The following POGZ variants were observed in gnomAD, a reference collection of about 807,000 sequenced individuals.
POGZ encodes pogo transposable element with ZNF domain.
In POGZ, 17 loss-of-function variants were observed where a neutral mutation model predicts 134.6. The ratio of observed to expected loss-of-function variants is 0.13; its 90% CI spans 0.09 to 0.19. The LOEUF (loss-of-function observed/expected upper bound fraction) is 0.19. POGZ is among the 10% of genes least tolerant of loss of function. The pLI is 1.00. For missense variants in POGZ, 1,306 were observed against 1,769.7 expected (o/e 0.74, Z 4.70); for synonymous variants, 693 against 657.1 (o/e 1.05, Z -0.84).
rs554221096 is a variant in POGZ, at chr1:151,420,069, T to C, written c.1678+3328A>G. Among the ~76,000 whole-genome samples, 45 of 151,842 alleles carry C rather than the reference T, an allele frequency of 3.0e-4. 1 individual carries two copies. In the East Asian group the frequency reaches 8.6e-3, roughly 29 times the overall value. ...TGGGTGTGGTGGCATATGCCTACAG[T>C]CCCAGCTACTCAGGAGGCTGAGGTG... On this transcript the variant is annotated intron_variant, in intron 10 of 18. Transcript: ENST00000271715.
Position 151,405,187 on chromosome 1 carries a change from T to C in POGZ, c.3848A>G (p.Gln1283Arg), listed in dbSNP as rs765820329. The change falls in exon 19 of 19, where the codon CAG becomes CGG. Residue 1283 changes from glutamine (Q) to arginine (R), a missense_variant. By Grantham distance (43) the Gln-to-Arg change is conservative. Transcript: ENST00000271715. This position sits in a 1 kb window ranked among gnomAD's most constrained non-coding sequence, Gnocchi z 4.9. ...TGCAGTATCTGCCATTTCCCGAGCC[T>C]GTTCCTTCCATTTTTTATGCAGGAA... ...KNFLHKKWKE[Q>R]AREMADTACD... The C allele has an allele frequency of 9.9e-6, 16 of 1,614,102 alleles. No homozygotes were observed. In the South Asian group the frequency reaches 1.6e-4, roughly 17 times the overall value.
At chr1:151,449,511 C>T (rs1179589982) in intron 1 of POGZ, among the ~76,000 whole-genome samples, 2 of 152,028 alleles carry the variant, frequency 1.3e-5, no homozygotes, top group Non-Finnish European at 2.9e-5. Flanking sequence ...AATCACTGAT[C>T]AAACTGAATA....
intron 1 of POGZ, among the ~76,000 whole-genome samples, chr1:151,458,835 G>A (rs1235384931): frequency 2.7e-5 from 4 of 145,594 alleles, no homozygotes; most frequent in Non-Finnish European, 6.1e-5. Context: ...CGCGGCGGGC[G>A]CCGGGGGGCG....
At chr1:151,426,486 A>G (rs1657800781) in intron 7 of POGZ, 1 of 152,036 alleles carries the variant, frequency 6.6e-6, no homozygotes, top group African/African-American at 2.4e-5. Flanking sequence ...ACGACCAGCG[A>G]GTCCTTTGTC....
chr1:151,403,370 A>G lies in POGZ; in HGVS notation c.*1432T>C. On this transcript the variant is annotated 3_prime_UTR_variant, in exon 19 of 19. Transcript: ENST00000271715. Reference sequence around the variant, plus strand: ...CAAGTTTATAAATCCATTTCCCCTCATTTTATTAAATGTTCCACTTATGTA... The same window carrying G: ...CAAGTTTATAAATCCATTTCCCCTCGTTTTATTAAATGTTCCACTTATGTA... 1.0e-6 allele frequency: 1 copy of G among 985,572 alleles called. No individual in the cohort carries two copies. Among genetic ancestry groups the G allele is most frequent in the Non-Finnish European group, 1.2e-6 (1 of 829,744 alleles). 61.1% of individuals were successfully genotyped at this position (985,572 alleles called of 1,614,324 possible). A position where few individuals can be genotyped will look rare whatever the true frequency, so the allele number is the denominator to read the frequency against.
At chr1:151,419,303 A>C (rs1293179348) in intron 10 of POGZ, among the ~76,000 whole-genome samples, 1 of 152,036 alleles carries the variant, frequency 6.6e-6, no homozygotes, top group Non-Finnish European at 1.5e-5. Context: ...TAGAGGTTGC[A>C]GAGAGCCAAG....
rs567874035 is a variant in POGZ, at chr1:151,456,491, TA to T, written c.-2+2660del. On this transcript the variant is annotated intron_variant, in intron 1 of 18. Transcript: ENST00000271715. ...ATAGTCTGCTAGTCGTTCTTTCAAG[TA>T]AAAATGCTACTCCATGAAATAAGCC... is the stretch of plus-strand genomic sequence containing the variant. 5.2e-4 allele frequency among the ~76,000 whole-genome samples: 79 copies of T among 152,350 alleles called. No homozygotes were observed. In the South Asian group the frequency reaches 0.015, roughly 29 times the overall value.
rs1653234677 is a variant in POGZ, at chr1:151,404,592, C to A, written c.*210G>T. The A allele has an allele frequency of 8.0e-7, 1 of 1,253,226 alleles. No individual in the cohort carries two copies. The allele number at this position is 1,253,226 out of a possible 1,614,324, so 77.6% of individuals were successfully genotyped here. On this transcript the variant is annotated 3_prime_UTR_variant, in exon 19 of 19. Transcript: ENST00000271715. ...CAGAAGTGAATGACCAATGGGCCAG[C>A]TCCTTGGCTCAGACGTGATTACTAT...
chr1:151,442,418 T>C (rs1660675326), intron 1 of POGZ: 1 of 387,818 alleles, frequency 2.6e-6, no homozygotes, highest in South Asian at 5.5e-5. Flanking sequence ...ATTTAATAAT[T>C]AGGGTTACAG....
At chr1:151,425,177 A>T in intron 7 of POGZ, 116 bp from the exon 8 acceptor site, 1 of 623,928 alleles carries the variant, frequency 1.6e-6, no homozygotes, top group South Asian at 1.7e-5. Flanking sequence ...GTAAGCAAGC[A>T]TGAGAGATCA....
chr1:151,458,641 TCGCCGGCC>T (rs1663074548), intron 1 of POGZ, among the ~76,000 whole-genome samples: 2 of 123,690 alleles, frequency 1.6e-5, no homozygotes, highest in Non-Finnish European at 3.5e-5. Context: ...CCTCGCCCCC[TCGCCGGCC>T]CCTCCCGCCG....
chr1:151,436,148 G>C (rs1659551556), intron 3 of POGZ, among the ~76,000 whole-genome samples: 1 of 151,970 alleles, frequency 6.6e-6, no homozygotes, highest in Admixed American at 6.6e-5. Context: ...AGTAGAAACA[G>C]GGTTTCACTA....
intron 10 of POGZ, among the ~76,000 whole-genome samples, chr1:151,415,042 T>G (rs1214455735): frequency 6.6e-6 from 1 of 152,176 alleles, no homozygotes; most frequent in Non-Finnish European, 1.5e-5. Flanking sequence ...CATGAACAAC[T>G]GTAACTTCTG....
chr1:151,452,603 C>T (rs537523395), intron 1 of POGZ, among the ~76,000 whole-genome samples: 51 of 152,198 alleles, frequency 3.4e-4, no homozygotes, highest in African/African-American at 1.2e-3. Context: ...CAGTGGCTCA[C>T]GCCTGTAATC....
rs1353492176 is a variant in POGZ at position 151,429,691 on chromosome 1, G to A, written c.480C>T (p.Val160=). 2 of 1,611,204 alleles carry A rather than the reference G, an allele frequency of 1.2e-6. No homozygotes were observed. The highest frequency in any genetic ancestry group is 1.7e-5 in the Admixed American group (1 of 59,942). ...ITTQGFPVRN[V]RPVQNAMNQV... is the part of the protein sequence containing the mutation. ...GATTCATTGCATTTTGTACAGGCCG[G>A]ACATTCCTTACAGGAAATCCCTGTA... Residue 160 remains valine, a synonymous_variant, in exon 5 of 19, where the codon GTC becomes GTT. Coordinates refer to ENST00000271715, the MANE Select transcript of POGZ (RefSeq NM_015100.4).
intron 3 of POGZ, among the ~76,000 whole-genome samples, chr1:151,432,984 A>G (rs1658946699): frequency 6.6e-6 from 1 of 152,198 alleles, no homozygotes; most frequent in South Asian, 2.1e-4. Flanking sequence ...TTTGAAATTT[A>G]TGGTTGAAAA....
intron 5 of POGZ, 76 bp from the exon 6 acceptor site, chr1:151,428,489 A>G (rs1172192931): frequency 3.9e-6 from 5 of 1,285,820 alleles, no homozygotes; most frequent in Non-Finnish European, 4.5e-6. Context: ...CTTTACTGGA[A>G]AGATTATTTC....
intron 10 of POGZ, among the ~76,000 whole-genome samples, chr1:151,416,247 A>G (rs1267546432): frequency 1.4e-5 from 2 of 145,166 alleles, no homozygotes; most frequent in Non-Finnish European, 3.1e-5. Context: ...AAAAAGAAAG[A>G]AAAGAAAAAA....
At chr1:151,407,680 T>C (rs1279139467) in intron 15 of POGZ, among the ~76,000 whole-genome samples, 1 of 152,036 alleles carries the variant, frequency 6.6e-6, no homozygotes, top group African/African-American at 2.4e-5. Context: ...AGGAAACATA[T>C]TAGAAGCAGG....
Sources: gnomAD v4.1 joint callset for allele counts (sites outside exome capture counted in the v4.1 genomes callset) on GRCh38, gnomAD v4.1.1 for gene constraint, Gnocchi (gnomAD v3.1) non-coding constraint, MANE v1.5 for transcripts, NCBI Gene and HGNC (gene_info 2026-07-23, HGNC 2026-07-21) for gene names.